NEK11: variants seen among roughly 807,000 people sequenced by gnomAD.
The protein encoded by NEK11 is NIMA related kinase 11, also known as serine/threonine-protein kinase Nek11.
A neutral mutation model predicts 80.7 loss-of-function variants in NEK11; 72 were observed. That is an observed-to-expected ratio of 0.89 (90% CI 0.74 to 1.08). NEK11 has a LOEUF of 1.08. Ranked by LOEUF, NEK11 falls within the 50% of genes least tolerant of loss-of-function variation. NEK11 has a pLI of 0.00. For synonymous variants in NEK11, 251 were observed against 260.7 expected, an observed-to-expected ratio of 0.96 and a Z score of 0.36; for missense variants, 764 against 763.6, an observed-to-expected ratio of 1.00 and a Z score of -0.01.
intron 16 of NEK11, 32 bp downstream of exon 16, chr3:131,243,528 T>C (rs1280807046): frequency 6.5e-7 from 1 of 1,545,416 alleles, no homozygotes; most frequent in East Asian, 2.2e-5. Context: ...TCAAAATACA[T>C]TGACAGCTAC....
chr3:131,220,404 G>A (rs1274524699), intron 14 of NEK11, among the ~76,000 whole-genome samples: 1 of 151,992 alleles, frequency 6.6e-6, no homozygotes, highest in Non-Finnish European at 1.5e-5. Context: ...TTATTTTTGG[G>A]AAATTAAGAA....
At chr3:131,272,163 A>G (rs1320801274) in intron 16 of NEK11, among the ~76,000 whole-genome samples, 3 of 152,186 alleles carry the variant, frequency 2.0e-5, no homozygotes, top group African/African-American at 7.2e-5. Flanking sequence ...TTGCTTCTTT[A>G]CTTGGTCCCT....
intron 15 of NEK11, among the ~76,000 whole-genome samples, chr3:131,230,948 C>T (rs574803449): frequency 6.6e-6 from 1 of 152,000 alleles, no homozygotes; most frequent in Admixed American, 6.6e-5. Flanking sequence ...AAGGGGTTTC[C>T]TTTTTCACTT....
At chr3:131,219,991 T>A (rs1286395752) in intron 14 of NEK11, among the ~76,000 whole-genome samples, 1 of 152,230 alleles carries the variant, frequency 6.6e-6, no homozygotes, top group African/African-American at 2.4e-5. Context: ...TTGATTGCCA[T>A]CTGACCCTAC....
rs746531735 is a variant in NEK11 at position 131,029,752 on chromosome 3, C to G, written c.44C>G (p.Thr15Arg). The change falls in exon 3 of 18, where the codon ACA becomes AGA. Residue 15 changes from threonine (T) to arginine (R), a missense_variant. Transcript: ENST00000383366. ...GCAGCTAAGTGTGTGAGTGGATCAA[C>G]AGCCATTTCCACTTATCCAAAGACC... ...QEAAKCVSGS[T>R]AISTYPKTLI... 1 of 1,614,074 alleles carries G rather than the reference C, an allele frequency of 6.2e-7. No homozygotes were observed. The highest frequency in any genetic ancestry group is 2.2e-5 in the East Asian group (1 of 44,884).
intron 17 of NEK11, among the ~76,000 whole-genome samples, chr3:131,292,369 G>A (rs2108999862): frequency 6.6e-6 from 1 of 152,198 alleles, no homozygotes; most frequent in Middle Eastern, 3.4e-3. Context: ...TTCAAACTTT[G>A]TTTTCAATTG....
At position 131,127,753 on chromosome 3, in the gene NEK11, C is replaced by CTTTTCTCTGGAAAGGATTTATATATTT. The variant is rs71133689; in HGVS notation, c.456-4983_456-4982insGAAAGGATTTATATATTTTTTTCTCTG. Among the ~76,000 whole-genome samples, 6 of 151,804 alleles carry CTTTTCTCTGGAAAGGATTTATATATTT rather than the reference C, an allele frequency of 4.0e-5. No individual in the cohort carries two copies. The East Asian group carries it at 7.7e-4, about 20-fold the overall frequency. On this transcript the variant is annotated intron_variant, in intron 5 of 17. Coordinates refer to ENST00000383366, the MANE Select transcript of NEK11 (RefSeq NM_024800.5). ...TATTGAGAGATGTTAGATGATATTA[C>CTTTTCTCTGGAAAGGATTTATATATTT]TTTTCTCTGCCTGACAGTTATATTT...
intron 16 of NEK11, among the ~76,000 whole-genome samples, chr3:131,264,920 G>A (rs1200810191): frequency 6.6e-6 from 1 of 152,112 alleles, no homozygotes; most frequent in Non-Finnish European, 1.5e-5. Flanking sequence ...TCCTTGAAGA[G>A]GTCCTTCACA....
chr3:131,077,433 A>T (rs1028370264), intron 3 of NEK11, among the ~76,000 whole-genome samples: 1 of 152,196 alleles, frequency 6.6e-6, no homozygotes, highest in Non-Finnish European at 1.5e-5. Context: ...ACCTGTCTTA[A>T]TAGCCCTACC....
chr3:131,237,246 A>T (rs150801224), intron 15 of NEK11, among the ~76,000 whole-genome samples: 198 of 152,222 alleles, frequency 1.3e-3, no homozygotes, highest in African/African-American at 4.5e-3. Flanking sequence ...TGAGGCAGGA[A>T]CATCACTTGA....
intron 17 of NEK11, among the ~76,000 whole-genome samples, chr3:131,319,227 A>C (rs2096874121): frequency 6.6e-6 from 1 of 152,114 alleles, no homozygotes; most frequent in South Asian, 2.1e-4. Context: ...ATTTTTTCTA[A>C]TGTGACTTGT....
chr3:131,279,848 A>G (rs1314854473), intron 17 of NEK11, among the ~76,000 whole-genome samples: 1 of 152,200 alleles, frequency 6.6e-6, no homozygotes, highest in Non-Finnish European at 1.5e-5. Flanking sequence ...CATTAAAGTC[A>G]CAGGCACCTC....
intron 10 of NEK11, among the ~76,000 whole-genome samples, chr3:131,161,226 C>G (rs2091531332): frequency 6.6e-6 from 1 of 151,680 alleles, no homozygotes; most frequent in African/African-American, 2.4e-5. Context: ...CACTCATACA[C>G]CATTGGTGGA....
Position 131,349,628 on chromosome 3 carries a change from A to C in NEK11, c.1790A>C (p.Gln597Pro). Residue 597 changes from glutamine to proline, a missense_variant, in exon 18 of 18, where the codon CAG becomes CCG. Coordinates refer to ENST00000383366, the MANE Select transcript of NEK11 (RefSeq NM_024800.5). ...AATTACCTCAAGAGAGCAAGGCATC[A>C]GAATGCTAGCGAAGCAGAGATCCGC... ...VYNYLKRARH[Q>P]NASEAEIREC... is the part of the protein sequence containing the mutation. 1 of 1,614,214 alleles carries C rather than the reference A, an allele frequency of 6.2e-7. No homozygotes were observed. Among genetic ancestry groups the C allele is most frequent in the South Asian group, 1.1e-5 (1 of 91,086 alleles).
At chr3:131,027,046 C>CT (rs1006930463) in intron 1 of NEK11, 40 bp downstream of exon 1, 1 of 152,244 alleles carries the variant, frequency 6.6e-6, no homozygotes, top group African/African-American at 2.4e-5. Context: ...CCAGGCTCCC[C>CT]TGCGAGGGGG....
intron 4 of NEK11, among the ~76,000 whole-genome samples, chr3:131,097,294 C>T (rs937504239): frequency 1.3e-5 from 2 of 151,774 alleles, no homozygotes; most frequent in African/African-American, 4.9e-5. Flanking sequence ...GTTCTAGATC[C>T]CTGAGGAATC....
intron 7 of NEK11, among the ~76,000 whole-genome samples, chr3:131,149,284 A>G (rs1395518965): frequency 2.0e-5 from 3 of 152,004 alleles, no homozygotes; most frequent in African/African-American, 7.2e-5. Flanking sequence ...CTCCAGGTTG[A>G]TCCATGTTGC....
At chr3:131,312,898 TGTG>T (rs2096795894) in intron 17 of NEK11, among the ~76,000 whole-genome samples, 1 of 152,100 alleles carries the variant, frequency 6.6e-6, no homozygotes, top group African/African-American at 2.4e-5. Context: ...GGGGGTTTGT[TGTG>T]TAGATTATTT....
At chr3:131,337,054 T>C (rs1164005839) in intron 17 of NEK11, among the ~76,000 whole-genome samples, 28 of 149,804 alleles carry the variant, frequency 1.9e-4, no homozygotes, top group African/African-American at 4.0e-4. Context: ...GAAGTCAGTG[T>C]GGCAATTCCT....
Sources: gnomAD v4.1 joint callset for allele counts (sites outside exome capture counted in the v4.1 genomes callset) on GRCh38, gnomAD v4.1.1 for gene constraint, MANE v1.5 for transcripts, NCBI Gene and HGNC (gene_info 2026-07-23, HGNC 2026-07-21) for gene names.